The following WDFY4 variants were observed in gnomAD, a reference collection of about 807,000 sequenced individuals.
WDFY4 encodes the protein WD repeat- and FYVE domain-containing protein 4.
Under a neutral mutation model 351.9 loss-of-function variants are expected in WDFY4, and 169 were observed. The observed-to-expected ratio is 0.48, with a 90% confidence interval of 0.42 to 0.55. The LOEUF (loss-of-function observed/expected upper bound fraction) is 0.55. Ranked by LOEUF, WDFY4 falls within the 20% of genes least tolerant of loss-of-function variation. The probability of loss-of-function intolerance (pLI) is 0.00; values close to 1 mark genes in which losing one functional copy is unlikely to be tolerated. For missense variants in WDFY4, 3,803 were observed against 3,935.6 expected, an observed-to-expected ratio of 0.97 and a Z score of 0.90; for synonymous variants, 1,622 against 1,574.6, an observed-to-expected ratio of 1.03 and a Z score of -0.71.
At chr10:48,835,599 C>A (rs2068359833) in intron 39 of WDFY4, among the ~76,000 whole-genome samples, 2 of 152,180 alleles carry the variant, frequency 1.3e-5, no homozygotes, top group Admixed American at 1.3e-4. Context: ...AATTTTGCAA[C>A]AGATTATGTT....
intron 24 of WDFY4, 46 bp downstream of exon 24, chr10:48,796,496 GTAAA>G: frequency 6.5e-7 from 1 of 1,531,222 alleles, no homozygotes; most frequent in Non-Finnish European, 8.8e-7. Flanking sequence ...GTGTGTGATG[GTAAA>G]TATGCTAAGT....
At chr10:48,897,714 C>T (rs868503075) in intron 45 of WDFY4, 140 bp downstream of exon 45, 2 of 1,330,912 alleles carry the variant, frequency 1.5e-6, no homozygotes, top group African/African-American at 1.5e-5. Context: ...AAGGAGACAC[C>T]CGCAAGTTCC....
chr10:48,854,766 T>C (rs1461129889), intron 39 of WDFY4, among the ~76,000 whole-genome samples: 1 of 152,162 alleles, frequency 6.6e-6, no homozygotes, highest in Admixed American at 6.5e-5. Context: ...CCTCCCTACT[T>C]TGGGCCCACT....
Position 48,969,130 on chromosome 10 carries a change from A to G in WDFY4, c.8651A>G (p.Glu2884Gly), listed in dbSNP as rs1267112070. 1.9e-6 allele frequency: 3 copies of G among 1,551,756 alleles called. No homozygotes were observed. Among genetic ancestry groups the G allele is most frequent in the Non-Finnish European group, 2.6e-6 (3 of 1,146,974 alleles). Reference protein sequence around the residue: ...KGAIGHIVSTEKTILAVERNK... With the variant: ...KGAIGHIVSTGKTILAVERNK... ...GCCATTGGCCACATTGTCTCTACTG[A>G]GAAGACCATTCTGGCTGTAGAGAGG... is the stretch of plus-strand genomic sequence containing the variant. The change falls in exon 56 of 62, where the codon GAG becomes GGG. Residue 2884 changes from glutamate (E) to glycine (G), a missense_variant. Glu to Gly is a moderately conservative substitution (Grantham distance 98, BLOSUM62 -2). Coordinates refer to ENST00000325239, the MANE Select transcript of WDFY4 (RefSeq NM_001394531.1).
chr10:48,945,517 T>G (rs1049066545), intron 49 of WDFY4, among the ~76,000 whole-genome samples: 1 of 152,214 alleles, frequency 6.6e-6, no homozygotes, highest in Non-Finnish European at 1.5e-5. Context: ...AAACTGGTCC[T>G]GTTTTCTCTG....
chr10:48,928,705 C>T (rs1051770093), intron 47 of WDFY4, among the ~76,000 whole-genome samples: 8 of 152,200 alleles, frequency 5.3e-5, no homozygotes, highest in African/African-American at 1.9e-4. Flanking sequence ...TGGCGACAGC[C>T]CAGAGTCCAC....
intron 39 of WDFY4, among the ~76,000 whole-genome samples, chr10:48,865,970 C>A (rs887324307): frequency 3.3e-5 from 5 of 151,962 alleles, no homozygotes; most frequent in Non-Finnish European, 7.4e-5. Flanking sequence ...TAAGCCTTTC[C>A]TCTTTTTTCT....
At chr10:48,779,267 A>G (rs2066140371) in intron 18 of WDFY4, among the ~76,000 whole-genome samples, 1 of 152,076 alleles carries the variant, frequency 6.6e-6, no homozygotes, top group South Asian at 2.1e-4. Context: ...TCAACCCCAA[A>G]CCCAGAAGGC....
intron 49 of WDFY4, 105 bp from the exon 50 acceptor site, chr10:48,945,935 C>CTGT (rs1841021393): frequency 3.8e-6 from 3 of 785,382 alleles, no homozygotes; most frequent in Non-Finnish European, 5.8e-6. Flanking sequence ...CAGGTCAGAC[C>CTGT]AAATGACTGT....
At chr10:48,805,913 G>A (rs887384109) in intron 26 of WDFY4, 91 bp from the exon 27 acceptor site, 49 of 1,026,958 alleles carry the variant, frequency 4.8e-5, no homozygotes, top group South Asian at 3.0e-4. Context: ...GCAGCTGCAC[G>A]TGGGTGGGTC....
intron 2 of WDFY4, among the ~76,000 whole-genome samples, chr10:48,718,520 T>C (rs1474809300): frequency 6.6e-6 from 1 of 152,130 alleles, no homozygotes; most frequent in Non-Finnish European, 1.5e-5. Flanking sequence ...AAGTGGACGG[T>C]GGGTGGTGCT....
intron 36 of WDFY4, among the ~76,000 whole-genome samples, chr10:48,827,256 T>C (rs2068038633): frequency 1.3e-5 from 2 of 152,048 alleles, no homozygotes; most frequent in African/African-American, 4.8e-5. Flanking sequence ...CATTTGATAA[T>C]TGCAATCTTA....
chr10:48,725,880 G>C lies in WDFY4; in HGVS notation c.592-1G>C. 1.3e-6 allele frequency: 2 copies of C among 1,535,644 alleles called. No homozygotes were observed. The highest frequency in any genetic ancestry group is 1.8e-6 in the Non-Finnish European group (2 of 1,133,830). On this transcript the variant is annotated splice_acceptor_variant, in intron 5 of 61. Coordinates refer to ENST00000325239, the MANE Select transcript of WDFY4 (RefSeq NM_001394531.1). LOFTEE classifies it high-confidence loss of function. ...TGACTGTTTATCTTCTTATTTTTCA[G>C]ATGTTGCTCAATATTTGCAGTGACT...
intron 4 of WDFY4, among the ~76,000 whole-genome samples, chr10:48,722,696 ATGCACACACACACACGTGCG>A (rs1335453750): frequency 6.6e-6 from 1 of 152,164 alleles, no homozygotes; most frequent in Admixed American, 6.5e-5. Flanking sequence ...CACATGCATC[ATGCACACACACACACGTGCG>A]TGCGCACACA....
chr10:48,774,478 C>T lies in WDFY4; in HGVS notation c.2574C>T (p.Cys858=). ...CTTAGCTTTCCGAGGAGATCCAGTGCTCCCTGGCCAGTCATATCCAGTCCC... is the reference window on the plus strand; with the variant it reads ...CTTAGCTTTCCGAGGAGATCCAGTGTTCCCTGGCCAGTCATATCCAGTCCC... ...DHPQLSEEIQ[C]SLASHIQSLV... The change falls in exon 14 of 62, where the codon TGC becomes TGT. Residue 858 remains cysteine, a synonymous_variant. Coordinates refer to ENST00000325239, the MANE Select transcript of WDFY4 (RefSeq NM_001394531.1). 6.4e-7 allele frequency: 1 copy of T among 1,551,752 alleles called. No individual in the cohort carries two copies. The highest frequency in any genetic ancestry group is 8.7e-7 in the Non-Finnish European group (1 of 1,146,998).
chr10:48,808,238 T>C (rs1439611294), intron 28 of WDFY4, among the ~76,000 whole-genome samples: 2 of 152,212 alleles, frequency 1.3e-5, no homozygotes, highest in East Asian at 1.9e-4. Flanking sequence ...GTAATTGTTA[T>C]TGTTTTGGCA....
chr10:48,940,841 C>G (rs1840714600), intron 47 of WDFY4, among the ~76,000 whole-genome samples: 2 of 152,176 alleles, frequency 1.3e-5, no homozygotes, highest in South Asian at 4.1e-4. Flanking sequence ...AGGGGCTCCT[C>G]CCCACACTCT....
At chr10:48,807,498 T>C (rs1031172855) in intron 27 of WDFY4, among the ~76,000 whole-genome samples, 2 of 152,254 alleles carry the variant, frequency 1.3e-5, no homozygotes, top group Non-Finnish European at 2.9e-5. Flanking sequence ...TTCAGCACTC[T>C]GTTCCTGATT....
intron 42 of WDFY4, among the ~76,000 whole-genome samples, chr10:48,875,408 T>G (rs937935359): frequency 1.3e-5 from 2 of 152,196 alleles, no homozygotes; most frequent in Non-Finnish European, 2.9e-5. Flanking sequence ...CAGGGAGATC[T>G]TAAAAGTATT....
Sources: gnomAD v4.1 joint callset for allele counts (sites outside exome capture counted in the v4.1 genomes callset) on GRCh38, gnomAD v4.1.1 for gene constraint, MANE v1.5 for transcripts, NCBI Gene and HGNC (gene_info 2026-07-23, HGNC 2026-07-21) for gene names.